The following ZDHHC5 variants were observed in gnomAD, a reference collection of about 807,000 sequenced individuals.
ZDHHC5 encodes zDHHC palmitoyltransferase 5.
In ZDHHC5, 22 loss-of-function variants were observed where a neutral mutation model predicts 70.0. That is an observed-to-expected ratio of 0.31 (90% CI 0.22 to 0.45). ZDHHC5 has a LOEUF of 0.45. Among genes scored for constraint, ZDHHC5 ranks in the 20% least tolerant of loss-of-function variants. The pLI is 1.00. For missense variants in ZDHHC5, 746 were observed against 926.9 expected, an observed-to-expected ratio of 0.80 and a Z score of 2.53; for synonymous variants, 313 against 347.8, an observed-to-expected ratio of 0.90 and a Z score of 1.11.
chr11:57,672,902 C>A lies in ZDHHC5; in HGVS notation c.-189C>A. 2 of 446,602 alleles carry A rather than the reference C, an allele frequency of 4.5e-6. No individual in the cohort carries two copies. The highest frequency in any genetic ancestry group is 8.3e-6 in the Non-Finnish European group (2 of 241,494). 27.7% of individuals were successfully genotyped at this position (446,602 alleles called of 1,614,324 possible). On this transcript the variant is annotated 5_prime_UTR_variant, in exon 2 of 12. The change creates a premature stop within an existing upstream ORF in the 5' untranslated region. Coordinates refer to ENST00000287169, the MANE Select transcript of ZDHHC5 (RefSeq NM_015457.3). ...GAATCACCTTTCCCCCTCCCATGTGCTTTCCTTCATTTGAGATCTTTTGAC... is the reference window on the plus strand; with the variant it reads ...GAATCACCTTTCCCCCTCCCATGTGATTTCCTTCATTTGAGATCTTTTGAC...
intron 2 of ZDHHC5, among the ~76,000 whole-genome samples, chr11:57,675,233 A>G (rs1049922901): frequency 1.3e-5 from 2 of 152,212 alleles, no homozygotes; most frequent in African/African-American, 4.8e-5. Context: ...TTAAGAGGCA[A>G]AGCCTTTGGA....
intron 11 of ZDHHC5, 23 bp downstream of exon 11, chr11:57,699,441 C>T (rs749053146): frequency 2.8e-5 from 43 of 1,525,026 alleles, no homozygotes; most frequent in Non-Finnish European, 3.7e-5. Context: ...ACTATCCTGA[C>T]CCTTAGCCAA....
rs555991599 is a variant in ZDHHC5, at chr11:57,698,690, C to A, written c.1254C>A (p.Phe418Leu). The A allele has an allele frequency of 6.2e-7, 1 of 1,614,194 alleles. No homozygotes were observed. Among genetic ancestry groups the A allele is most frequent in the East Asian group, 2.2e-5 (1 of 44,866 alleles). The stretch of plus-strand genomic sequence containing the variant: ...CTACCTTTGGCAAAAGTTTTCACTT[C>A]GATCCACTATCCAGTGGCTCACGCT... ...RSPTFGKSFH[F>L]DPLSSGSRSS... The change falls in exon 11 of 12, where the codon TTC becomes TTA. Residue 418 changes from phenylalanine to leucine, a missense_variant. By Grantham distance (22) the Phe-to-Leu change is conservative (BLOSUM62 0). This residue lies in a region of ZDHHC5 where 179 missense variants were observed against 178.4 expected (regional missense o/e 1.00). Coordinates refer to ENST00000287169, the MANE Select transcript of ZDHHC5 (RefSeq NM_015457.3).
intron 6 of ZDHHC5, 123 bp from the exon 7 acceptor site, chr11:57,692,486 TTG>T: frequency 1.4e-6 from 1 of 728,194 alleles, no homozygotes; most frequent in Non-Finnish European, 2.3e-6. Flanking sequence ...TATAAATTTC[TTG>T]TGTTTTACTC....
chr11:57,697,359 A>T (rs1420077834), intron 10 of ZDHHC5, among the ~76,000 whole-genome samples: 1 of 152,174 alleles, frequency 6.6e-6, no homozygotes, highest in Non-Finnish European at 1.5e-5. Flanking sequence ...GCTACTCGGG[A>T]GGCTGAGCCA....
At chr11:57,675,512 T>G (rs1387565050) in intron 2 of ZDHHC5, among the ~76,000 whole-genome samples, 1 of 152,328 alleles carries the variant, frequency 6.6e-6, no homozygotes. Context: ...AAAAAGGATT[T>G]TGGAGGACAA....
In ZDHHC5 at chr11:57,700,867, C is replaced by T. The variant is rs560537280; in HGVS notation, c.*836C>T. ...GGATTAGAGTGTGCTCCTACTGGCCCCTTGGAGCCTCCCCTAGCTTACACA... is the reference window on the plus strand; with the variant it reads ...GGATTAGAGTGTGCTCCTACTGGCCTCTTGGAGCCTCCCCTAGCTTACACA... On this transcript the variant is annotated 3_prime_UTR_variant, in exon 12 of 12. Transcript: ENST00000287169. 2 of 152,760 alleles carry T rather than the reference C, an allele frequency of 1.3e-5. No homozygotes were observed. Among genetic ancestry groups the T allele is most frequent in the East Asian group, 1.9e-4 (1 of 5,184 alleles). 9.5% of individuals were successfully genotyped at this position (152,760 alleles called of 1,614,324 possible).
At chr11:57,685,563 T>C (rs1033270384) in intron 3 of ZDHHC5, among the ~76,000 whole-genome samples, 2 of 151,818 alleles carry the variant, frequency 1.3e-5, no homozygotes, top group African/African-American at 4.8e-5. Context: ...ACAGGAGAAT[T>C]GCTTGAACCT....
intron 6 of ZDHHC5, among the ~76,000 whole-genome samples, chr11:57,691,019 G>A (rs1946278787): frequency 6.6e-6 from 1 of 152,062 alleles, no homozygotes; most frequent in Non-Finnish European, 1.5e-5. Flanking sequence ...TACTCTCAAA[G>A]AGATACTAAG....
intron 7 of ZDHHC5, among the ~76,000 whole-genome samples, chr11:57,693,345 C>G (rs1946309433): frequency 1.3e-5 from 2 of 152,126 alleles, no homozygotes; most frequent in Admixed American, 1.3e-4. Flanking sequence ...AATGCCTCCG[C>G]TGATCTGACA....
chr11:57,683,091 A>G (rs1278325530), intron 3 of ZDHHC5, among the ~76,000 whole-genome samples: 1 of 152,214 alleles, frequency 6.6e-6, no homozygotes, highest in African/African-American at 2.4e-5. Flanking sequence ...AGGCAGAGGA[A>G]ACAGCACATG....
At chr11:57,681,508 T>C (rs1946149994) in intron 2 of ZDHHC5, 1 of 152,196 alleles carries the variant, frequency 6.6e-6, no homozygotes, top group Non-Finnish European at 1.5e-5. Flanking sequence ...GACAAAAAAG[T>C]AGCACATCAG....
intron 3 of ZDHHC5, among the ~76,000 whole-genome samples, chr11:57,684,798 C>G (rs1426356926): frequency 6.6e-6 from 1 of 152,128 alleles, no homozygotes; most frequent in Non-Finnish European, 1.5e-5. Flanking sequence ...GGTTATTTTG[C>G]AAGAGTGAGA....
intron 2 of ZDHHC5, among the ~76,000 whole-genome samples, chr11:57,680,686 A>G (rs1217116864): frequency 6.6e-6 from 1 of 152,132 alleles, no homozygotes; most frequent in Non-Finnish European, 1.5e-5. Flanking sequence ...AGTACTAGGG[A>G]GGGGCTCTGA....
Position 57,700,110 on chromosome 11 carries a change from G to A in ZDHHC5, c.*79G>A. On this transcript the variant is annotated 3_prime_UTR_variant, in exon 12 of 12. Transcript: ENST00000287169. ...GGTGGCCACCTTCCTTCCCTCAAGG[G>A]GCTCCCCTCCCGTGCATGGACATTT... is the stretch of plus-strand genomic sequence containing the variant. 6.7e-7 allele frequency: 1 copy of A among 1,484,238 alleles called. No homozygotes were observed. Among genetic ancestry groups the A allele is most frequent in the African/African-American group, 1.4e-5 (1 of 70,750 alleles). The allele number at this position is 1,484,238 out of a possible 1,614,324, so 91.9% of individuals were successfully genotyped here.
At position 57,685,415 on chromosome 11, in the gene ZDHHC5, C is replaced by T. The variant is rs1311600542; in HGVS notation, c.226+2872C>T. Among the ~76,000 whole-genome samples, 3 of 152,072 alleles carry T rather than the reference C, an allele frequency of 2.0e-5. 1 individual carries two copies. Among genetic ancestry groups the T allele is most frequent in the Non-Finnish European group, 4.4e-5 (3 of 68,030 alleles). On this transcript the variant is annotated intron_variant, in intron 3 of 11. Transcript: ENST00000287169. ...CCTGTAATCCCAGCACTTTGGGAGGCCAGGGCGGATCACTTGAGGTCAGGA... is the reference window on the plus strand; with the variant it reads ...CCTGTAATCCCAGCACTTTGGGAGGTCAGGGCGGATCACTTGAGGTCAGGA...
chr11:57,690,549 A>G, intron 6 of ZDHHC5, 112 bp downstream of exon 6: 3 of 1,138,806 alleles, frequency 2.6e-6, no homozygotes, highest in Non-Finnish European at 3.9e-6. Flanking sequence ...AATACTTTTC[A>G]TGATTATGTA....
intron 8 of ZDHHC5, among the ~76,000 whole-genome samples, 172 bp from the exon 9 acceptor site, chr11:57,695,748 T>C (rs529739314): frequency 1.3e-5 from 2 of 149,196 alleles, no homozygotes; most frequent in East Asian, 2.0e-4. Context: ...AACATGATCA[T>C]GCGTACCACT....
At chr11:57,695,497 A>AGAAATATATG (rs1222229010) in intron 8 of ZDHHC5, among the ~76,000 whole-genome samples, 2 of 152,046 alleles carry the variant, frequency 1.3e-5, no homozygotes, top group African/African-American at 2.4e-5. Context: ...AGTATAGTTG[A>AGAAATATATG]GAAATATATG....
Sources: allele counts gnomAD v4.1 joint callset (sites outside exome capture counted in the v4.1 genomes callset), GRCh38; gene constraint gnomAD v4.1.1; regional missense constraint gnomAD v4.1.1; transcripts MANE v1.5; gene names NCBI Gene and HGNC (gene_info 2026-07-23, HGNC 2026-07-21).